The following NTRK2 variants were observed in gnomAD, a reference collection of about 807,000 sequenced individuals.
NTRK2 encodes BDNF/NT-3 growth factors receptor.
In NTRK2, 13 loss-of-function variants were observed where a neutral mutation model predicts 94.5. That is an observed-to-expected ratio of 0.14 (90% CI 0.09 to 0.22). The LOEUF is 0.22. Ranked by LOEUF, NTRK2 falls within the 10% of genes least tolerant of loss-of-function variation. The pLI, the probability that NTRK2 is intolerant of heterozygous loss-of-function variation, is 1.00. For synonymous variants in NTRK2, 372 were observed against 407.4 expected, an observed-to-expected ratio of 0.91 and a Z score of 1.05; for missense variants, 639 against 1,071.2, an observed-to-expected ratio of 0.60 and a Z score of 5.63.
chr9:84,696,910 A>T (rs1040395065), intron 2 of NTRK2, among the ~76,000 whole-genome samples: 13 of 152,160 alleles, frequency 8.5e-5, no homozygotes, highest in African/African-American at 2.9e-4. Flanking sequence ...AATGTGCAAA[A>T]AATAACAGCA....
Position 84,670,405 on chromosome 9 carries a change from G to T in NTRK2, c.-344G>T, listed in dbSNP as rs1053394591. Reference sequence around the variant, plus strand: ...CGAGGTGCATACCGGACCCCCATTCGCATCTAACAAGGAATCTGCGCCCCA... The same window carrying T: ...CGAGGTGCATACCGGACCCCCATTCTCATCTAACAAGGAATCTGCGCCCCA... On this transcript the variant is annotated 5_prime_UTR_variant, in exon 2 of 19. Transcript: ENST00000277120. 2.1e-5 allele frequency: 9 copies of T among 419,208 alleles called. No individual in the cohort carries two copies. Among genetic ancestry groups the T allele is most frequent in the African/African-American group, 4.0e-5 (2 of 49,506 alleles). The allele number at this position is 419,208 out of a possible 1,614,324, so 26.0% of individuals were successfully genotyped here.
intron 14 of NTRK2, among the ~76,000 whole-genome samples, chr9:84,885,480 A>G (rs950929953): frequency 1.3e-5 from 2 of 152,242 alleles, no homozygotes; most frequent in Non-Finnish European, 2.9e-5. Flanking sequence ...AACTGAGCAC[A>G]TAAAATGAAT....
intron 17 of NTRK2, among the ~76,000 whole-genome samples, chr9:84,998,386 C>T (rs1829998116): frequency 6.6e-6 from 1 of 152,210 alleles, no homozygotes; most frequent in Non-Finnish European, 1.5e-5. Flanking sequence ...ACTAGCTGCA[C>T]CGGCCCAGGT....
At chr9:84,907,073 G>A (rs1464847425) in intron 14 of NTRK2, among the ~76,000 whole-genome samples, 1 of 152,044 alleles carries the variant, frequency 6.6e-6, no homozygotes, top group Non-Finnish European at 1.5e-5. Context: ...GAGTAAATGT[G>A]GAATCAATAT....
intron 3 of NTRK2, 52 bp from the exon 4 acceptor site, chr9:84,702,296 G>T (rs533624924): frequency 6.2e-7 from 1 of 1,608,186 alleles, no homozygotes; most frequent in African/African-American, 1.3e-5. Context: ...CTCTGGTCAG[G>T]CAGGCATTCA....
At chr9:84,945,657 G>A (rs1001408242) in intron 15 of NTRK2, among the ~76,000 whole-genome samples, 2 of 152,180 alleles carry the variant, frequency 1.3e-5, no homozygotes, top group African/African-American at 2.4e-5. Context: ...TGGCACAGGG[G>A]CCATGTCAGG....
intron 14 of NTRK2, chr9:84,877,923 T>G: frequency 9.8e-7 from 1 of 1,016,886 alleles, no homozygotes. Flanking sequence ...CCTACTTTCG[T>G]CACCTGCTAA....
intron 14 of NTRK2, among the ~76,000 whole-genome samples, chr9:84,870,294 A>G (rs1392267099): frequency 7.6e-6 from 1 of 131,616 alleles, no homozygotes; most frequent in East Asian, 2.2e-4. Flanking sequence ...ACATATACAT[A>G]TACATGTACA....
chr9:84,688,857 A>G (rs2059877325), intron 2 of NTRK2, among the ~76,000 whole-genome samples: 1 of 152,032 alleles, frequency 6.6e-6, no homozygotes, highest in Non-Finnish European at 1.5e-5. Flanking sequence ...TTAATTTTCC[A>G]TTTTCTTTGG....
In NTRK2 at chr9:84,867,400, C is replaced by T. The variant is rs199984149; in HGVS notation, c.1602C>T (p.Gly534=). The T allele has an allele frequency of 1.2e-6, 2 of 1,613,964 alleles. No individual in the cohort carries two copies. Among genetic ancestry groups the T allele is most frequent in the Non-Finnish European group, 1.7e-6 (2 of 1,179,890 alleles). ...TCATTGAAAATCCCCAGTACTTTGGCATCACCAACAGTCAGCTCAAGCCAG... is the reference window on the plus strand; with the variant it reads ...TCATTGAAAATCCCCAGTACTTTGGTATCACCAACAGTCAGCTCAAGCCAG... ...IPVIENPQYF[G]ITNSQLKPDT... is the part of the protein sequence containing the mutation. Residue 534 remains glycine, a synonymous_variant, in exon 14 of 19, where the codon GGC becomes GGT. Coordinates refer to ENST00000277120, the MANE Select transcript of NTRK2 (RefSeq NM_006180.6).
chr9:84,813,771 C>T (rs199862113), intron 12 of NTRK2: 34 of 1,065,768 alleles, frequency 3.2e-5, no homozygotes, highest in South Asian at 4.5e-5. Flanking sequence ...TTTTCAACAG[C>T]GCTCATGTCT....
At chr9:85,013,407 G>A (rs1426931084) in intron 17 of NTRK2, among the ~76,000 whole-genome samples, 11 of 151,982 alleles carry the variant, frequency 7.2e-5, no homozygotes, top group Admixed American at 2.0e-4. Flanking sequence ...GGTTCAAACG[G>A]TTCTCCTGCC....
At chr9:84,706,521 G>GGTT (rs2061082600) in intron 4 of NTRK2, among the ~76,000 whole-genome samples, 1 of 95,384 alleles carries the variant, frequency 1.0e-5, no homozygotes, top group Admixed American at 1.4e-4. Context: ...GTTATTTTTT[G>GGTT]TTTTTGTTTT....
intron 6 of NTRK2, among the ~76,000 whole-genome samples, chr9:84,714,176 C>G (rs2061573824): frequency 6.6e-6 from 1 of 151,854 alleles, no homozygotes; most frequent in East Asian, 1.9e-4. Context: ...GATTTTTTTT[C>G]CTTTCAACCA....
At chr9:84,900,861 C>A (rs1395419898) in intron 14 of NTRK2, among the ~76,000 whole-genome samples, 1 of 152,198 alleles carries the variant, frequency 6.6e-6, no homozygotes, top group African/African-American at 2.4e-5. Context: ...CTAAACCCAT[C>A]TATCAATTTC....
chr9:84,800,377 T>A (rs1272008244), intron 12 of NTRK2, among the ~76,000 whole-genome samples: 1 of 152,102 alleles, frequency 6.6e-6, no homozygotes, highest in Non-Finnish European at 1.5e-5. Flanking sequence ...TAATTTTGTA[T>A]TTTTGTAGAG....
chr9:84,754,124 A>G (rs188371852), intron 12 of NTRK2, among the ~76,000 whole-genome samples: 1 of 152,210 alleles, frequency 6.6e-6, no homozygotes, highest in Non-Finnish European at 1.5e-5. Flanking sequence ...TAAAGCGTCT[A>G]CGTTTTCTGA....
chr9:84,982,449 A>ATC (rs1048474786), intron 17 of NTRK2, among the ~76,000 whole-genome samples: 3 of 152,178 alleles, frequency 2.0e-5, no homozygotes, highest in African/African-American at 7.2e-5. Context: ...TCCCCTAGGA[A>ATC]TCTATGGTCA....
chr9:84,790,248 T>G (rs893902307), intron 12 of NTRK2, among the ~76,000 whole-genome samples: 3 of 152,294 alleles, frequency 2.0e-5, no homozygotes, highest in Admixed American at 6.5e-5. Context: ...TTAAGTAAAT[T>G]TTTAAGGCAG....
Sources: gnomAD v4.1 joint callset for allele counts (sites outside exome capture counted in the v4.1 genomes callset) on GRCh38, gnomAD v4.1.1 for gene constraint, MANE v1.5 for transcripts, NCBI Gene and HGNC (gene_info 2026-07-23, HGNC 2026-07-21) for gene names.